PDE1A: variants seen among roughly 807,000 people sequenced by gnomAD.
PDE1A encodes the protein phosphodiesterase 1A.
In PDE1A, 35 loss-of-function variants were observed where a neutral mutation model predicts 61.7. The ratio of observed to expected loss-of-function variants is 0.57; its 90% CI spans 0.43 to 0.75. PDE1A has a LOEUF of 0.75. Among genes scored for constraint, PDE1A ranks in the 30% least tolerant of loss-of-function variants. The pLI, the probability that PDE1A is intolerant of heterozygous loss-of-function variation, is 0.00. For synonymous variants in PDE1A, 232 were observed against 213.2 expected, an observed-to-expected ratio of 1.09 and a Z score of -0.77; for missense variants, 597 against 630.6, an observed-to-expected ratio of 0.95 and a Z score of 0.57.
intron 13 of PDE1A, among the ~76,000 whole-genome samples, chr2:182,172,694 G>A (rs953344987): frequency 6.6e-6 from 1 of 152,032 alleles, no homozygotes; most frequent in Non-Finnish European, 1.5e-5. Flanking sequence ...AGACAGCTAT[G>A]TTTATAAAAC....
intron 7 of PDE1A, among the ~76,000 whole-genome samples, chr2:182,223,321 T>C (rs956343088): frequency 2.0e-5 from 3 of 152,042 alleles, no homozygotes; most frequent in African/African-American, 7.2e-5. Flanking sequence ...TTCTGTGGTA[T>C]TTTGTTATGG....
At chr2:182,242,848 C>G (rs1038476009) in intron 2 of PDE1A, among the ~76,000 whole-genome samples, 1 of 151,202 alleles carries the variant, frequency 6.6e-6, no homozygotes, top group Non-Finnish European at 1.5e-5. Flanking sequence ...CCTTAAAATA[C>G]GTATCTCGCT....
intron 1 of PDE1A, among the ~76,000 whole-genome samples, chr2:182,290,112 CTT>C (rs1307630014): frequency 6.6e-6 from 1 of 152,024 alleles, no homozygotes; most frequent in Non-Finnish European, 1.5e-5. Flanking sequence ...TAAAAAGTCT[CTT>C]TTACTCTAAA....
the PDE1A span, among the ~76,000 whole-genome samples, chr2:182,690,078 C>A: frequency 6.6e-6 from 1 of 152,166 alleles, no homozygotes; most frequent in African/African-American, 2.4e-5. Context: ...CAGATGGATT[C>A]ACAGCCGAAT....
chr2:182,222,844 G>T (rs1053974018), intron 7 of PDE1A, among the ~76,000 whole-genome samples: 3 of 152,018 alleles, frequency 2.0e-5, no homozygotes, highest in Middle Eastern at 3.2e-3. Flanking sequence ...ATCCTGACTA[G>T]TAAAAGAGAA....
rs1300293944 is a variant in PDE1A, at chr2:182,240,308, C to G, written c.168-16G>C. ...CAGAAGTCTTCTACAAAAATTTATA[C>G]AGATTAAACTTTTTTATAAAAAAGT... On this transcript the variant is annotated splice_polypyrimidine_tract_variant and intron_variant, in intron 2 of 13. Coordinates refer to ENST00000351439, the Ensembl canonical transcript of PDE1A. 3.4e-6 allele frequency: 5 copies of G among 1,488,274 alleles called. No homozygotes were observed. Among genetic ancestry groups the G allele is most frequent in the Non-Finnish European group, 4.5e-6 (5 of 1,112,712 alleles). 92.2% of individuals were successfully genotyped at this position (1,488,274 alleles called of 1,614,324 possible).
At chr2:182,573,758 C>T in the PDE1A span, among the ~76,000 whole-genome samples, 3 of 150,206 alleles carry the variant, frequency 2.0e-5, no homozygotes, top group African/African-American at 4.9e-5. Context: ...TTATTTTAAA[C>T]GATTCAGCAA....
chr2:182,436,700 A>G (rs1042411564), intron 2 of PDE1A, among the ~76,000 whole-genome samples: 9 of 151,996 alleles, frequency 5.9e-5, no homozygotes, highest in Admixed American at 4.6e-4. Flanking sequence ...GCCCTGTTTC[A>G]GTTAATTCTA....
At chr2:182,196,713 A>AAAATT in intron 10 of PDE1A, among the ~76,000 whole-genome samples, 1 of 151,138 alleles carries the variant, frequency 6.6e-6, no homozygotes, top group South Asian at 2.1e-4. Context: ...AAATTGGTTT[A>AAAATT]TAGTATTATT....
At chr2:182,709,710 A>G in the PDE1A span, among the ~76,000 whole-genome samples, 1 of 152,206 alleles carries the variant, frequency 6.6e-6, no homozygotes, top group Non-Finnish European at 1.5e-5. Context: ...TCTCATACAT[A>G]TATCATGGTG....
chr2:182,575,520 C>T, the PDE1A span, among the ~76,000 whole-genome samples: 1 of 151,446 alleles, frequency 6.6e-6, no homozygotes, highest in East Asian at 2.0e-4. Flanking sequence ...GAACATAATG[C>T]CACAGGAACA....
At chr2:182,294,517 C>T (rs957596796) in intron 1 of PDE1A, among the ~76,000 whole-genome samples, 4 of 152,238 alleles carry the variant, frequency 2.6e-5, no homozygotes, top group East Asian at 1.9e-4. Context: ...AAACGTGCTA[C>T]GTAGACATTG....
chr2:182,685,629 G>C, the PDE1A span, among the ~76,000 whole-genome samples: 1 of 152,154 alleles, frequency 6.6e-6, no homozygotes, highest in African/African-American at 2.4e-5. Context: ...CCATGGGAGG[G>C]ACTGCCTGAG....
chr2:182,156,285 A>G (rs1280775258), intron 13 of PDE1A, among the ~76,000 whole-genome samples: 1 of 152,196 alleles, frequency 6.6e-6, no homozygotes, highest in Non-Finnish European at 1.5e-5. Flanking sequence ...ACATTCAGAA[A>G]ATGCTTACTG....
At chr2:182,672,235 T>C in the PDE1A span, among the ~76,000 whole-genome samples, 1 of 152,194 alleles carries the variant, frequency 6.6e-6, no homozygotes, top group Non-Finnish European at 1.5e-5. Context: ...GTTGAGAAAA[T>C]ACACATTAAA....
intron 6 of PDE1A, among the ~76,000 whole-genome samples, chr2:182,228,480 C>A (rs1415593170): frequency 6.6e-6 from 1 of 152,084 alleles, no homozygotes; most frequent in East Asian, 1.9e-4. Flanking sequence ...TATATCAAAT[C>A]TGAGGGGTGA....
chr2:182,349,312 T>C (rs1473712360), intron 1 of PDE1A, among the ~76,000 whole-genome samples: 1 of 152,184 alleles, frequency 6.6e-6, no homozygotes, highest in Admixed American at 6.5e-5. Context: ...TCCATTTCTC[T>C]TTGCCAAAAT....
At chr2:182,344,084 T>C (rs2125058223) in intron 1 of PDE1A, among the ~76,000 whole-genome samples, 1 of 152,076 alleles carries the variant, frequency 6.6e-6, no homozygotes, top group African/African-American at 2.4e-5. Context: ...GTTGCCCAGG[T>C]TGGTCTCAAA....
chr2:182,410,280 T>C (rs887668160), intron 1 of PDE1A, among the ~76,000 whole-genome samples: 44 of 152,186 alleles, frequency 2.9e-4, no homozygotes, highest in Middle Eastern at 6.8e-3. Context: ...GGCACGAGGA[T>C]CACTTTAGCC....
Sources: gnomAD v4.1 joint callset for allele counts (sites outside exome capture counted in the v4.1 genomes callset) on GRCh38, gnomAD v4.1.1 for gene constraint, MANE v1.5 for transcripts, NCBI Gene and HGNC (gene_info 2026-07-23, HGNC 2026-07-21) for gene names.